Variants in PIEZO1 observed in about 807,000 individuals in gnomAD.
PIEZO1 encodes piezo type mechanosensitive ion channel component 1 (Er blood group), also known as piezo-type mechanosensitive ion channel component 1.
In PIEZO1, 296 loss-of-function variants were observed where a neutral mutation model predicts 297.2. That is an observed-to-expected ratio of 1.00 (90% confidence interval 0.91 to 1.10). PIEZO1 has a LOEUF of 1.10. Among genes scored for constraint, PIEZO1 ranks in the 50% least tolerant of loss-of-function variants. PIEZO1 has a pLI of 0.00. For synonymous variants in PIEZO1, 2,427 were observed against 1,507.5 expected (o/e 1.61, Z -14.13); for missense variants, 5,018 against 3,455.5 (o/e 1.45, Z -11.34).
At chr16:88,717,892 A>G in intron 44 of PIEZO1, 1 of 406,396 alleles carries the variant, frequency 2.5e-6, no homozygotes, top group Non-Finnish European at 4.8e-6. Flanking sequence ...CAGCACTTTG[A>G]GGTCAGGAGT....
rs555070739 is a variant in PIEZO1, at chr16:88,748,926, C to T, written c.160+458G>A. 1.0e-3 allele frequency among the ~76,000 whole-genome samples: 102 copies of T among 100,512 alleles called. 1 individual carries two copies. The highest frequency in any genetic ancestry group is 2.6e-3 in the Admixed American group (21 of 8,156). The allele number at this position is 100,512 out of a possible 152,430, so 65.9% of individuals were successfully genotyped here. A position where few individuals can be genotyped will look rare whatever the true frequency, so the allele number is the denominator to read the frequency against. On this transcript the variant is annotated intron_variant, in intron 2 of 50. Transcript: ENST00000301015. ...CCAGCCTGGGAGATAGAGCGAGACT[C>T]GGTCTCAAAAAAAAAAAAAAAAAAA...
At chr16:88,782,978 T>C (rs1597493673) in intron 1 of PIEZO1, among the ~76,000 whole-genome samples, 1 of 152,218 alleles carries the variant, frequency 6.6e-6, no homozygotes, top group Non-Finnish European at 1.5e-5. Context: ...TGGCCCGGGC[T>C]TCAGCATCTT....
chr16:88,757,319 C>CGGGGGGGGGGGGGGGGGG (rs1221139366), intron 1 of PIEZO1, among the ~76,000 whole-genome samples: 1 of 10,252 alleles, frequency 9.8e-5, no homozygotes, highest in Non-Finnish European at 1.9e-4. Flanking sequence ...GCGTTGCTGG[C>CGGGGGGGGGGGGGGGGGG]GGGGGGGTGG....
At position 88,722,896 on chromosome 16, in the gene PIEZO1, C is replaced by G. The variant is rs1482000245; in HGVS notation, c.4609G>C (p.Gly1537Arg). The G allele has an allele frequency of 7.1e-6, 11 of 1,548,988 alleles. No homozygotes were observed. The highest frequency in any genetic ancestry group is 9.6e-6 in the Non-Finnish European group (11 of 1,146,784). The change falls in exon 34 of 51, where the codon GGC (glycine) becomes CGC (arginine). Residue 1537 changes from glycine (G) to arginine (R), a missense_variant. Gly to Arg is a moderately radical substitution (Grantham distance 125). Coordinates refer to ENST00000301015, the MANE Select transcript of PIEZO1 (RefSeq NM_001142864.4). ...GCCCGCAGCACGTCGCTCATGGTGC[C>G]GTGGTGCCGGGTGAACTCCTGCAGC... is the stretch of plus-strand genomic sequence containing the variant. ...RWLQEFTRHH[G>R]TMSDVLRAER...
chr16:88,734,459 C>A lies in PIEZO1; in HGVS notation c.2077G>T (p.Ala693Ser). The A allele has an allele frequency of 6.5e-7, 1 of 1,549,912 alleles. No homozygotes were observed. Among genetic ancestry groups the A allele is most frequent in the Non-Finnish European group, 8.7e-7 (1 of 1,146,690 alleles). ...AAGTAGTGCAGCTGCAGGATGCAGG[C>A]CAGGAGGAAGAAGCCGGGCACCAGG... ...SILVPGFFLL[A>S]CILQLHYFHR... Residue 693 changes from alanine to serine, a missense_variant, in exon 16 of 51, where the codon GCC becomes TCC. By Grantham distance (99) the Ala-to-Ser change is moderately conservative (BLOSUM62 1). Coordinates refer to ENST00000301015, the MANE Select transcript of PIEZO1 (RefSeq NM_001142864.4).
In PIEZO1 at chr16:88,720,456, C is replaced by T. The variant is rs920083201; in HGVS notation, c.5878G>A (p.Val1960Ile). ...TCAGCCAGGAACATGAGGGCATAGA[C>T]GTCGGTGGCTGCGCGGTACTTGGTG... is the stretch of plus-strand genomic sequence containing the variant. The part of the protein sequence containing the change: ...LHTKYRAATD[V>I]YALMFLADVV... The change falls in exon 41 of 51, where the codon GTC becomes ATC. Residue 1960 changes from valine (V) to isoleucine (I), a missense_variant. Physicochemically the swap from Val to Ile is conservative, Grantham distance 29 (BLOSUM62 3). Transcript: ENST00000301015. 30 of 1,550,356 alleles carry T rather than the reference C, an allele frequency of 1.9e-5. 1 individual carries two copies. The highest frequency in any genetic ancestry group is 2.4e-5 in the Non-Finnish European group (28 of 1,146,958).
chr16:88,734,601 G>C (rs1905080496), intron 15 of PIEZO1, 49 bp downstream of exon 15: 7 of 1,548,736 alleles, frequency 4.5e-6, no homozygotes, highest in Non-Finnish European at 6.1e-6. Context: ...CCCCGGGGAA[G>C]TGCACGGGGT....
intron 1 of PIEZO1, among the ~76,000 whole-genome samples, chr16:88,764,166 G>A (rs1714185325): frequency 1.3e-5 from 2 of 152,162 alleles, no homozygotes; most frequent in Non-Finnish European, 2.9e-5. Context: ...CAGAGGTCAT[G>A]AAGCTGCGGA....
chr16:88,761,481 C>G (rs1401369700), intron 1 of PIEZO1, among the ~76,000 whole-genome samples: 1 of 152,222 alleles, frequency 6.6e-6, no homozygotes, highest in Non-Finnish European at 1.5e-5. Context: ...AGTCTGGTCC[C>G]AAAGCCGCCG....
chr16:88,724,918 G>T (rs981679512), intron 30 of PIEZO1, 91 bp downstream of exon 30: 1 of 808,220 alleles, frequency 1.2e-6, no homozygotes, highest in Non-Finnish European at 1.8e-6. Flanking sequence ...GGAGTCGGGG[G>T]AAGGGAGGGG....
Position 88,715,568 on chromosome 16 carries a change from G to T in PIEZO1, c.*37C>A, listed in dbSNP as rs992893593. The T allele has an allele frequency of 1.3e-6, 2 of 1,537,518 alleles. No individual in the cohort carries two copies. Among genetic ancestry groups the T allele is most frequent in the African/African-American group, 1.4e-5 (1 of 72,892 alleles). On this transcript the variant is annotated 3_prime_UTR_variant, in exon 51 of 51. Transcript: ENST00000301015. The stretch of plus-strand genomic sequence containing the variant: ...CCCCTTGTGGCCACGCTGCCCAGCA[G>T]GCCGGCTCCTTCCCTCTCGGGCGCC...
chr16:88,779,123 C>T lies in PIEZO1; in HGVS notation c.64+5778G>A, dbSNP rs566984136. 4.0e-5 allele frequency among the ~76,000 whole-genome samples: 6 copies of T among 150,560 alleles called. No individual in the cohort carries two copies. In the East Asian group the frequency reaches 9.8e-4, roughly 25 times the overall value. On this transcript the variant is annotated intron_variant, in intron 1 of 50. Transcript: ENST00000301015. ...GTGGCACGACTGTGGCTCACTGCAA[C>T]CTCTACCTCCTGGGTTCCGGCGATT...
intron 34 of PIEZO1, 30 bp from the exon 35 acceptor site, chr16:88,722,719 G>T: frequency 2.6e-6 from 4 of 1,532,572 alleles, no homozygotes; most frequent in Non-Finnish European, 3.5e-6. Flanking sequence ...GCTCAGGGCT[G>T]CGTCCAGCTC....
chr16:88,734,988 A>G lies in PIEZO1; in HGVS notation c.1735T>C (p.Tyr579His), dbSNP rs1905107824. Residue 579 changes from tyrosine to histidine, a missense_variant, in exon 14 of 51, where the codon TAC (tyrosine) becomes CAC (histidine). Physicochemically the swap from Tyr to His is moderately conservative, Grantham distance 83. Coordinates refer to ENST00000301015, the MANE Select transcript of PIEZO1 (RefSeq NM_001142864.4). ...GELVKGVYAKYWIYVCAGMFI... is the reference protein window; with the variant it reads ...GELVKGVYAKHWIYVCAGMFI... ...ATGCCAGCACACACATAGATCCAGT[A>G]CTTGGCGTACACGCCCTTCACCAGC... 1 of 1,550,432 alleles carries G rather than the reference A, an allele frequency of 6.4e-7. No individual in the cohort carries two copies. Among genetic ancestry groups the G allele is most frequent in the Non-Finnish European group, 8.7e-7 (1 of 1,146,990 alleles).
chr16:88,734,562 C>T (rs753550837), intron 15 of PIEZO1, 24 bp from the exon 16 acceptor site: 171 of 1,543,286 alleles, frequency 1.1e-4, no homozygotes, highest in Middle Eastern at 9.0e-4. Flanking sequence ...GCATCAGCAC[C>T]GGCCCGGCCC....
At chr16:88,763,893 C>T (rs1033941166) in intron 1 of PIEZO1, among the ~76,000 whole-genome samples, 3 of 152,194 alleles carry the variant, frequency 2.0e-5, no homozygotes, top group South Asian at 2.1e-4. Context: ...TCTGTGAGGC[C>T]GTCACAGCCA....
At chr16:88,725,568 G>A (rs992279129) in intron 28 of PIEZO1, 27 bp downstream of exon 28, 5 of 1,534,976 alleles carry the variant, frequency 3.3e-6, no homozygotes, top group Middle Eastern at 1.7e-4. Context: ...GGAGGAGCCG[G>A]GGAGTCCCCG....
intron 19 of PIEZO1, 128 bp downstream of exon 19, chr16:88,733,150 C>G: frequency 1.1e-6 from 1 of 896,724 alleles, no homozygotes; most frequent in Non-Finnish European, 1.7e-6. Flanking sequence ...CCCTTGGCGC[C>G]CCCAGGGGAG....
Position 88,722,970 on chromosome 16 carries a change from T to G in PIEZO1, c.4535A>C (p.Gln1512Pro). 6.5e-7 allele frequency: 1 copy of G among 1,527,168 alleles called. No homozygotes were observed. The highest frequency in any genetic ancestry group is 8.8e-7 in the Non-Finnish European group (1 of 1,135,558). The allele number at this position is 1,527,168 out of a possible 1,614,324, so 94.6% of individuals were successfully genotyped here. A position where few individuals can be genotyped will look rare whatever the true frequency, so the allele number is the denominator to read the frequency against. Residue 1512 changes from glutamine (Q) to proline (P), a missense_variant, in exon 34 of 51, where the codon CAG becomes CCG. By Grantham distance (76) the Gln-to-Pro change is moderately conservative (BLOSUM62 -1). Coordinates refer to ENST00000301015, the MANE Select transcript of PIEZO1 (RefSeq NM_001142864.4). ...HVVQRVLSTA[Q>P]FLWMLGQALV... The stretch of plus-strand genomic sequence containing the variant: ...CGCCTGCCCCAGCATCCACAGGAAC[T>G]GCGCCGTGCTCAGCACCCTCTGCAC...
Sources: gnomAD v4.1 joint callset for allele counts (sites outside exome capture counted in the v4.1 genomes callset) on GRCh38, gnomAD v4.1.1 for gene constraint, MANE v1.5 for transcripts, NCBI Gene and HGNC (gene_info 2026-07-23, HGNC 2026-07-21) for gene names.